Variants in GSTA5 observed in about 807,000 individuals in gnomAD.
GSTA5 encodes glutathione S-transferase alpha 5, also known as glutathione S-transferase A5.
A neutral mutation model predicts 21.8 loss-of-function variants in GSTA5; 25 were observed. The observed-to-expected ratio is 1.14, with a 90% CI of 0.83 to 1.60. The LOEUF is 1.60. Ranked by LOEUF, GSTA5 falls within the 40% of genes most tolerant of loss-of-function variation. The probability of loss-of-function intolerance (pLI) is 0.00; values close to 1 mark genes in which losing one functional copy is unlikely to be tolerated. For synonymous variants in GSTA5, 102 were observed against 89.5 expected (o/e 1.14, Z -0.78); for missense variants, 330 against 259.2 (o/e 1.27, Z -1.88).
exon 6 of GSTA5, chr6:52,831,953 G>T: frequency 6.2e-7 from 1 of 1,613,348 alleles, no homozygotes; most frequent in Non-Finnish European, 8.5e-7. Flanking sequence ...GCAGGTTGCT[G>T]ATTCTGGTTT....
At chr6:52,839,247 G>A (rs1406944308) in intron 1 of GSTA5, among the ~76,000 whole-genome samples, 1 of 152,194 alleles carries the variant, frequency 6.6e-6, no homozygotes, top group African/African-American at 2.4e-5. Context: ...AGCAAGGTCT[G>A]CAGTCAGCCC....
In GSTA5 at chr6:52,833,084, C is replaced by T. The variant is rs539553672; in HGVS notation, c.415-94G>A. 1.4e-4 allele frequency: 196 copies of T among 1,434,950 alleles called. 1 individual carries two copies. In the African/African-American group the frequency reaches 2.6e-3, roughly 19 times the overall value. The allele number at this position is 1,434,950 out of a possible 1,614,324, so 88.9% of individuals were successfully genotyped here. A position where few individuals can be genotyped will look rare whatever the true frequency, so the allele number is the denominator to read the frequency against. On this transcript the variant is annotated intron_variant, in intron 4 of 5. Transcript: ENST00000370989. ...GCCTCTCCACCCTGACTTTTCCCACCTCTGTTGCCTTATTGCATGGGTGCA... is the reference window on the plus strand; with the variant it reads ...GCCTCTCCACCCTGACTTTTCCCACTTCTGTTGCCTTATTGCATGGGTGCA...
intron 1 of GSTA5, among the ~76,000 whole-genome samples, chr6:52,838,368 T>G (rs1395717920): frequency 6.6e-6 from 1 of 152,246 alleles, no homozygotes; most frequent in Non-Finnish European, 1.5e-5. Context: ...ACGGCACCTA[T>G]GGTATAGGCT....
Position 52,836,217 on chromosome 6 carries a change from A to G in GSTA5, c.272+19T>C, listed in dbSNP as rs753768761. 369 of 1,611,330 alleles carry G rather than the reference A, an allele frequency of 2.3e-4. No homozygotes were observed. Among genetic ancestry groups the G allele is most frequent in the Non-Finnish European group, 3.0e-4 (354 of 1,179,172 alleles). On this transcript the variant is annotated intron_variant, in intron 3 of 5. Transcript: ENST00000370989. ...ACTCTGTGTTCTCTGTGGATGGAAG[A>G]ACAGAAAATATACCATACAGGGCTC...
Position 52,834,276 on chromosome 6 carries a change from A to G in GSTA5, c.279T>C (p.Asp93=), listed in dbSNP as rs368206041. ...AATCTACTATACCTTCTGTGTACAT[A>G]TCAATCCTGAAAGACAAAAACAACC... The change falls in exon 4 of 6, where the codon GAT becomes GAC. Residue 93 remains aspartate (D), a synonymous_variant. Transcript: ENST00000370989. 10 of 1,608,050 alleles carry G rather than the reference A, an allele frequency of 6.2e-6. No homozygotes were observed. The African/African-American group carries it at 9.4e-5, about 15-fold the overall frequency.
intron 3 of GSTA5, among the ~76,000 whole-genome samples, chr6:52,834,964 G>A (rs866639904): frequency 6.6e-6 from 1 of 152,108 alleles, no homozygotes; most frequent in African/African-American, 2.4e-5. Context: ...CTTCTTTTGT[G>A]TCAAACTAGA....
intron 4 of GSTA5, 85 bp downstream of exon 4, chr6:52,834,056 G>A: frequency 3.4e-6 from 5 of 1,450,558 alleles, no homozygotes; most frequent in African/African-American, 1.4e-5. Flanking sequence ...GAAAGTGAAG[G>A]TCAGTGGCCC....
At chr6:52,834,784 C>T (rs1764269640) in intron 3 of GSTA5, among the ~76,000 whole-genome samples, 1 of 152,186 alleles carries the variant, frequency 6.6e-6, no homozygotes, top group East Asian at 1.9e-4. Context: ...CCCAGGGCTC[C>T]TGTGCCCCAT....
exon 6 of GSTA5, chr6:52,831,766 A>G (rs1764217672): frequency 6.5e-7 from 1 of 1,527,768 alleles, no homozygotes; most frequent in Non-Finnish European, 8.9e-7. Flanking sequence ...AAGAGGCACA[A>G]TCCACACTTA....
exon 1 of GSTA5, chr6:52,840,802 C>T (rs1764363372): frequency 1.9e-6 from 3 of 1,613,850 alleles, no homozygotes; most frequent in Non-Finnish European, 2.5e-6. Flanking sequence ...GGAGCTTGGG[C>T]TTCTCTGCCA....
At chr6:52,838,175 A>C (rs1363235615) in intron 1 of GSTA5, among the ~76,000 whole-genome samples, 7 of 152,196 alleles carry the variant, frequency 4.6e-5, no homozygotes, top group Non-Finnish European at 8.8e-5. Context: ...AATAGGGTAA[A>C]ATTCTCAATT....
chr6:52,835,462 T>A (rs537551948), intron 3 of GSTA5, among the ~76,000 whole-genome samples: 1 of 152,346 alleles, frequency 6.6e-6, no homozygotes, highest in South Asian at 2.1e-4. Context: ...ACTATGAATA[T>A]TGTTATTTGC....
intron 5 of GSTA5, among the ~76,000 whole-genome samples, chr6:52,832,436 A>G (rs1764230304): frequency 1.3e-5 from 2 of 152,168 alleles, no homozygotes; most frequent in Admixed American, 6.5e-5. Context: ...CTGTGCAGAG[A>G]GGACCACAAT....
At chr6:52,834,248 T>C (rs1178884319) in exon 4 of GSTA5, 2 of 1,613,992 alleles carry the variant, frequency 1.2e-6, no homozygotes, top group South Asian at 1.1e-5. Context: ...ATCATTTCAG[T>C]CAAATCTACT....
In GSTA5 at chr6:52,834,396, T is replaced by G; in HGVS notation, c.273-114A>C. ...GGTGGCAAAGTAATTCACCTCCAGTTAGTGCCTTTTATACGCTAGTCATTA... is the reference window on the plus strand; with the variant it reads ...GGTGGCAAAGTAATTCACCTCCAGTGAGTGCCTTTTATACGCTAGTCATTA... On this transcript the variant is annotated intron_variant, in intron 3 of 5. Transcript: ENST00000370989. 3.2e-6 allele frequency: 3 copies of G among 947,774 alleles called. No individual in the cohort carries two copies. The South Asian group carries it at 5.0e-5, about 16-fold the overall frequency. 58.7% of individuals were successfully genotyped at this position (947,774 alleles called of 1,614,324 possible).
chr6:52,831,760 G>A (rs1764217625), exon 6 of GSTA5: 3 of 1,474,782 alleles, frequency 2.0e-6, no homozygotes, highest in African/African-American at 1.4e-5. Flanking sequence ...CTTTACAAGA[G>A]GCACAATCCA....
At chr6:52,836,424 G>C (rs1764295274) in intron 2 of GSTA5, 56 bp from the exon 3 acceptor site, 2 of 1,546,266 alleles carry the variant, frequency 1.3e-6, no homozygotes, top group African/African-American at 2.8e-5. Flanking sequence ...CACCCTTTTG[G>C]GATGAAAAAA....
chr6:52,844,137 G>A (rs1561928738), upstream of GSTA5, among the ~76,000 whole-genome samples: 1 of 152,188 alleles, frequency 6.6e-6, no homozygotes, highest in Non-Finnish European at 1.5e-5. Flanking sequence ...GGTACATTGA[G>A]TTTCAGAAAG....
chr6:52,836,084 C>T, intron 3 of GSTA5, 152 bp downstream of exon 3: 5 of 796,962 alleles, frequency 6.3e-6, no homozygotes, highest in Non-Finnish European at 1.0e-5. Flanking sequence ...TCCCTCATCT[C>T]CATGGGACTC....
Sources: gnomAD v4.1 joint callset for allele counts (sites outside exome capture counted in the v4.1 genomes callset) on GRCh38, gnomAD v4.1.1 for gene constraint, MANE v1.5 for transcripts, NCBI Gene and HGNC (gene_info 2026-07-23, HGNC 2026-07-21) for gene names.